The following SLC7A2 variants were observed in gnomAD, a reference collection of about 807,000 sequenced individuals.
SLC7A2 encodes the protein solute carrier family 7 member 2.
Under a neutral mutation model 58.9 loss-of-function variants are expected in SLC7A2, and 48 were observed. The observed-to-expected ratio is 0.82, with a 90% CI of 0.65 to 1.04. The LOEUF (loss-of-function observed/expected upper bound fraction) is 1.04. Ranked by LOEUF, SLC7A2 falls within the 50% of genes least tolerant of loss-of-function variation. The pLI, the probability that SLC7A2 is intolerant of heterozygous loss-of-function variation, is 0.00. For synonymous variants in SLC7A2, 363 were observed against 314.5 expected, an observed-to-expected ratio of 1.15 and a Z score of -1.63; for missense variants, 1,029 against 818.8, an observed-to-expected ratio of 1.26 and a Z score of -3.13.
chr8:17,523,883 C>T (rs1161442886), intron 2 of SLC7A2, among the ~76,000 whole-genome samples: 1 of 151,182 alleles, frequency 6.6e-6, no homozygotes, highest in African/African-American at 2.4e-5. Flanking sequence ...GACTAATATC[C>T]AGAATCTACA....
At chr8:17,543,256 A>C in intron 2 of SLC7A2, 62 bp from the exon 3 acceptor site, 1 of 1,440,620 alleles carries the variant, frequency 6.9e-7, no homozygotes, top group Non-Finnish European at 9.5e-7. Flanking sequence ...CCTGGAAGCT[A>C]GGTTACCAAA....
At chr8:17,561,841 A>G (rs947162835) in intron 10 of SLC7A2, 103 bp from the exon 11 acceptor site, 6 of 1,031,456 alleles carry the variant, frequency 5.8e-6, no homozygotes, top group Non-Finnish European at 8.6e-6. Flanking sequence ...AGCCAAGTAG[A>G]TGTGTACAGA....
At chr8:17,544,878 C>A (rs759495181) in intron 4 of SLC7A2, among the ~76,000 whole-genome samples, 2 of 152,098 alleles carry the variant, frequency 1.3e-5, no homozygotes, top group African/African-American at 4.8e-5. Flanking sequence ...TTTTTTAAAT[C>A]GTTAATTGCA....
At position 17,568,343 on chromosome 8, in the gene SLC7A2, A is replaced by T. The variant is rs1803361542; in HGVS notation, c.*3197A>T. ...AAACTCTGTTAAAAACTATGAGGAA[A>T]ACTTATATTAGAACTTTTGATATAT... is the stretch of plus-strand genomic sequence containing the variant. On this transcript the variant is annotated 3_prime_UTR_variant, in exon 13 of 13. Transcript: ENST00000494857. 6.6e-6 allele frequency: 1 copy of T among 152,130 alleles called. No homozygotes were observed. The highest frequency in any genetic ancestry group is 2.4e-5 in the African/African-American group (1 of 41,424). 9.4% of individuals were successfully genotyped at this position (152,130 alleles called of 1,614,324 possible).
chr8:17,520,424 C>T (rs995989629), intron 2 of SLC7A2, among the ~76,000 whole-genome samples: 2 of 151,598 alleles, frequency 1.3e-5, no homozygotes, highest in African/African-American at 2.4e-5. Flanking sequence ...GCGGATCACC[C>T]GAGGTTGGGA....
In SLC7A2 at chr8:17,548,883, A is replaced by C. The variant is rs536054055; in HGVS notation, c.698+40A>C. On this transcript the variant is annotated intron_variant, in intron 5 of 12. Transcript: ENST00000494857. ...GTTTTTTTTTTTCTCCTTCTTGTTTAAGAAAATATTTTAAGTGGGTGTATT... is the reference window on the plus strand; with the variant it reads ...GTTTTTTTTTTTCTCCTTCTTGTTTCAGAAAATATTTTAAGTGGGTGTATT... 3.2e-5 allele frequency: 49 copies of C among 1,544,158 alleles called. No homozygotes were observed. The Admixed American group carries it at 3.4e-4, about 11-fold the overall frequency.
chr8:17,551,277 C>A (rs1419035803), intron 6 of SLC7A2, among the ~76,000 whole-genome samples: 1 of 152,098 alleles, frequency 6.6e-6, no homozygotes, highest in Non-Finnish European at 1.5e-5. Flanking sequence ...TAAGAAAGTA[C>A]CTTCAAGAAT....
intron 12 of SLC7A2, 32 bp downstream of exon 12, chr8:17,563,743 A>G (rs1345667111): frequency 2.4e-6 from 3 of 1,273,412 alleles, no homozygotes; most frequent in Non-Finnish European, 3.4e-6. Context: ...TCTCTTTCCT[A>G]TTTCATGTGC....
chr8:17,516,785 G>A (rs938092626), intron 2 of SLC7A2, among the ~76,000 whole-genome samples: 1 of 152,146 alleles, frequency 6.6e-6, no homozygotes, highest in South Asian at 2.1e-4. Context: ...GAAAAAGATG[G>A]TTTAAGCATT....
chr8:17,561,249 A>T (rs557379856), intron 10 of SLC7A2, among the ~76,000 whole-genome samples: 1 of 152,346 alleles, frequency 6.6e-6, no homozygotes, highest in Admixed American at 6.5e-5. Context: ...TGGGTAAATT[A>T]TAAAGAAAAA....
chr8:17,496,190 T>C (rs1333680075), upstream of SLC7A2, among the ~76,000 whole-genome samples: 3 of 152,054 alleles, frequency 2.0e-5, no homozygotes, highest in Non-Finnish European at 1.5e-5. Flanking sequence ...GCCTGGTGGC[T>C]CAAGCCTGTA....
chr8:17,520,769 G>A (rs560441173), intron 2 of SLC7A2: 2 of 912,146 alleles, frequency 2.2e-6, no homozygotes, highest in Non-Finnish European at 2.6e-6. Context: ...AAGGGTATCT[G>A]TAAGTAGAGA....
upstream of SLC7A2, chr8:17,497,078 G>T (rs1477165119): frequency 1.3e-5 from 2 of 151,106 alleles, no homozygotes; most frequent in Admixed American, 1.3e-4. Flanking sequence ...GGGCGCCCAC[G>T]TGCCCAGCCC....
At chr8:17,556,136 T>A (rs1210101572) in intron 8 of SLC7A2, among the ~76,000 whole-genome samples, 1 of 152,208 alleles carries the variant, frequency 6.6e-6, no homozygotes, top group African/African-American at 2.4e-5. Context: ...ACTTATTTTC[T>A]CAGGCTTAGA....
chr8:17,543,433 C>A lies in SLC7A2; in HGVS notation c.94C>A (p.Arg32Ser), dbSNP rs376835370. Residue 32 changes from arginine (R) to serine (S), a missense_variant, in exon 3 of 13, where the codon CGC becomes AGC. Coordinates refer to ENST00000494857, the MANE Select transcript of SLC7A2 (RefSeq NM_001370338.1). ...LDSLEDTKLC[R>S]CLSTMDLIAL... ...CAGTCTAGAAGACACCAAATTATGC[C>A]GCTGCTTATCCACCATGGACCTCAT... 10 of 1,614,018 alleles carry A rather than the reference C, an allele frequency of 6.2e-6. No individual in the cohort carries two copies. Among genetic ancestry groups the A allele is most frequent in the Non-Finnish European group, 8.5e-6 (10 of 1,180,050 alleles).
rs1802298330 is a variant in SLC7A2 at position 17,548,764 on chromosome 8, G to T, written c.619G>T (p.Val207Phe). The T allele has an allele frequency of 6.2e-7, 1 of 1,613,930 alleles. No homozygotes were observed. ...TATTCTCGTCCTTCTGTTTGTGATG[G>T]TTGCTGGGTTTGTGAAAGGAAATGT... Reference protein sequence around the residue: ...VNILVLLFVMVAGFVKGNVAN... With the variant: ...VNILVLLFVMFAGFVKGNVAN... Residue 207 changes from valine (V) to phenylalanine (F), a missense_variant, in exon 5 of 13, where the codon GTT (valine) becomes TTT (phenylalanine). Physicochemically the swap from Val to Phe is conservative, Grantham distance 50. Transcript: ENST00000494857.
chr8:17,557,068 A>C (rs1453943314), intron 8 of SLC7A2, among the ~76,000 whole-genome samples: 1 of 152,076 alleles, frequency 6.6e-6, no homozygotes, highest in Non-Finnish European at 1.5e-5. Context: ...TGTTAGAAAA[A>C]CCACTCACAA....
intron 2 of SLC7A2, among the ~76,000 whole-genome samples, chr8:17,529,676 A>G (rs1426491268): frequency 6.6e-6 from 1 of 151,936 alleles, no homozygotes; most frequent in African/African-American, 2.4e-5. Flanking sequence ...CTGGGATTAT[A>G]TGTGTCCACC....
At chr8:17,562,460 C>G (rs1361369693) in intron 11 of SLC7A2, among the ~76,000 whole-genome samples, 1 of 151,994 alleles carries the variant, frequency 6.6e-6, no homozygotes, top group Non-Finnish European at 1.5e-5. Context: ...CCACCTCTGC[C>G]TCCAAAAGTG....
Sources: gnomAD v4.1 joint callset for allele counts (sites outside exome capture counted in the v4.1 genomes callset) on GRCh38, gnomAD v4.1.1 for gene constraint, MANE v1.5 for transcripts, NCBI Gene and HGNC (gene_info 2026-07-23, HGNC 2026-07-21) for gene names.